The following QTMAN variants were observed in gnomAD, a reference collection of about 807,000 sequenced individuals.
QTMAN encodes tRNA-queuosine alpha-mannosyltransferase.
the QTMAN span, among the ~76,000 whole-genome samples, chr2:144,246,097 G>A: frequency 6.6e-6 from 1 of 152,112 alleles, no homozygotes. Flanking sequence ...GTAGTCTAAT[G>A]GGGGAGACAG....
At chr2:144,056,840 A>T in the QTMAN span, among the ~76,000 whole-genome samples, 1 of 152,266 alleles carries the variant, frequency 6.6e-6, no homozygotes, top group South Asian at 2.1e-4. Context: ...AAAATGTCCA[A>T]GAGGTAGTGG....
At chr2:144,068,128 C>T in the QTMAN span, among the ~76,000 whole-genome samples, 2 of 152,118 alleles carry the variant, frequency 1.3e-5, no homozygotes, top group African/African-American at 4.8e-5. Flanking sequence ...CTAAAACATA[C>T]ACACATACAC....
the QTMAN span, among the ~76,000 whole-genome samples, chr2:143,991,748 C>G: frequency 6.7e-6 from 1 of 148,152 alleles, no homozygotes; most frequent in Non-Finnish European, 1.5e-5. Context: ...GGGGTCAGCC[C>G]CCCGCCCCGC....
At chr2:144,246,022 G>A in the QTMAN span, among the ~76,000 whole-genome samples, 2 of 152,120 alleles carry the variant, frequency 1.3e-5, no homozygotes, top group African/African-American at 4.8e-5. Flanking sequence ...GGAATGTTAA[G>A]AACTGATCTA....
chr2:144,086,236 G>A, the QTMAN span, among the ~76,000 whole-genome samples: 1 of 152,160 alleles, frequency 6.6e-6, no homozygotes, highest in Admixed American at 6.6e-5. Context: ...GGGCAGCCAG[G>A]GAGTAGGAAT....
chr2:144,316,275 C>A, the QTMAN span, among the ~76,000 whole-genome samples: 3 of 151,620 alleles, frequency 2.0e-5, no homozygotes, highest in African/African-American at 7.3e-5. Context: ...TTGTTCCTAA[C>A]CAAATGGGTC....
At chr2:144,055,005 C>T in the QTMAN span, among the ~76,000 whole-genome samples, 5 of 152,086 alleles carry the variant, frequency 3.3e-5, no homozygotes, top group Admixed American at 3.3e-4. Flanking sequence ...AAATTGGCCC[C>T]TAAAAGCTTG....
At chr2:144,073,424 G>A in the QTMAN span, among the ~76,000 whole-genome samples, 1 of 151,980 alleles carries the variant, frequency 6.6e-6, no homozygotes, top group Non-Finnish European at 1.5e-5. Flanking sequence ...AAGAAGTTTT[G>A]GATCAACTTC....
the QTMAN span, among the ~76,000 whole-genome samples, chr2:144,260,853 ATTT>A: frequency 3.8e-3 from 585 of 152,104 alleles, 3 homozygotes; most frequent in African/African-American, 0.014. Flanking sequence ...AATGCTATAA[ATTT>A]TTTTGTAATA....
the QTMAN span, among the ~76,000 whole-genome samples, chr2:144,019,478 GTGTGTA>G: frequency 8.8e-3 from 1,218 of 139,054 alleles, 18 homozygotes; most frequent in African/African-American, 0.03. Flanking sequence ...GTGTGTGTGT[GTGTGTA>G]TGTAGTTTTA....
chr2:144,246,579 C>CAAAAAA, the QTMAN span, among the ~76,000 whole-genome samples: 35 of 46,514 alleles, frequency 7.5e-4, no homozygotes, highest in Non-Finnish European at 9.0e-4. Context: ...GACTCCGTCT[C>CAAAAAA]AAAAAAAAAA....
At chr2:144,095,236 T>C in the QTMAN span, among the ~76,000 whole-genome samples, 2 of 152,362 alleles carry the variant, frequency 1.3e-5, no homozygotes, top group African/African-American at 2.4e-5. Flanking sequence ...GTCTCACTTT[T>C]ATATGTCCAT....
At chr2:144,303,522 C>G in the QTMAN span, among the ~76,000 whole-genome samples, 1 of 152,036 alleles carries the variant, frequency 6.6e-6, no homozygotes, top group East Asian at 1.9e-4. Flanking sequence ...GCACATAAGT[C>G]TGCATCATAA....
the QTMAN span, among the ~76,000 whole-genome samples, chr2:144,109,959 C>T: frequency 1.3e-5 from 2 of 152,176 alleles, no homozygotes; most frequent in Non-Finnish European, 2.9e-5. Context: ...TAAACTAGTT[C>T]AACCATTGTG....
chr2:144,119,593 C>T, the QTMAN span, among the ~76,000 whole-genome samples: 1 of 152,340 alleles, frequency 6.6e-6, no homozygotes, highest in South Asian at 2.1e-4. Context: ...AATCCAAGGG[C>T]CAAGGCCAGA....
At chr2:144,207,786 T>A in the QTMAN span, among the ~76,000 whole-genome samples, 3 of 152,142 alleles carry the variant, frequency 2.0e-5, no homozygotes, top group African/African-American at 7.2e-5. Context: ...AGTAAAAATG[T>A]AATGAGTATT....
chr2:144,257,749 T>C, the QTMAN span, among the ~76,000 whole-genome samples: 3 of 152,138 alleles, frequency 2.0e-5, no homozygotes, highest in Non-Finnish European at 4.4e-5. Flanking sequence ...CTTAATGAAA[T>C]TGATCCTATT....
At chr2:144,145,090 C>T in the QTMAN span, among the ~76,000 whole-genome samples, 1 of 143,198 alleles carries the variant, frequency 7.0e-6, no homozygotes, top group Non-Finnish European at 1.5e-5. Context: ...TGTCCATAGT[C>T]TTCTCTGTCT....
At chr2:144,092,867 T>TGG in the QTMAN span, among the ~76,000 whole-genome samples, 43 of 91,724 alleles carry the variant, frequency 4.7e-4, no homozygotes, top group East Asian at 9.5e-4. Context: ...AATAAACTTT[T>TGG]GGGGTGTGTG....
Sources: allele counts gnomAD v4.1 joint callset (sites outside exome capture counted in the v4.1 genomes callset), GRCh38; gene constraint gnomAD v4.1.1; transcripts MANE v1.5; gene names NCBI Gene and HGNC (gene_info 2026-07-23, HGNC 2026-07-21).